The following PIGT variants were observed in gnomAD, a reference collection of about 807,000 sequenced individuals.
PIGT encodes GPI-anchor transamidase component PIGT.
In PIGT, 57 loss-of-function variants were observed where a neutral mutation model predicts 66.7. The observed-to-expected ratio is 0.86, with a 90% CI of 0.69 to 1.07. The LOEUF is 1.07. Among genes scored for constraint, PIGT ranks in the 50% least tolerant of loss-of-function variants. The pLI is 0.00. For missense variants in PIGT, 725 were observed against 740.4 expected (o/e 0.98, Z 0.24); for synonymous variants, 362 against 320.5 (o/e 1.13, Z -1.38).
In PIGT at chr20:45,416,354, G is replaced by A; in HGVS notation, c.187+11G>A. 6 of 1,575,390 alleles carry A rather than the reference G, an allele frequency of 3.8e-6. No homozygotes were observed. The highest frequency in any genetic ancestry group is 5.2e-6 in the Non-Finnish European group (6 of 1,158,126). ...TTCAGCGGGAAGGAGGTGAGGGCGC[G>A]AGATCTGACCAGGGAAAGATTTCCG... On this transcript the variant is annotated intron_variant, in intron 1 of 11. Coordinates refer to ENST00000279036, the MANE Select transcript of PIGT (RefSeq NM_015937.6).
In PIGT at chr20:45,420,680, A is replaced by G; in HGVS notation, c.1020A>G (p.Arg340=). ...RNLNIQLKWK[R]PPENEAPPVP... ...TCAACATCCAGCTCAAGTGGAAGAG[A>G]CCCCCAGAGAATGGTGAGTGGGTGG... The change falls in exon 8 of 12, where the codon AGA becomes AGG. Residue 340 remains arginine (R), a synonymous_variant. Transcript: ENST00000279036. 6.2e-7 allele frequency: 1 copy of G among 1,613,570 alleles called. No individual in the cohort carries two copies. The highest frequency in any genetic ancestry group is 8.5e-7 in the Non-Finnish European group (1 of 1,179,940).
In PIGT at chr20:45,425,594, C is replaced by G; in HGVS notation, c.1505C>G (p.Ser502Cys). The change falls in exon 12 of 12, where the codon TCT becomes TGT. Residue 502 changes from serine (S) to cysteine (C), a missense_variant. Physicochemically the swap from Ser to Cys is moderately radical, Grantham distance 112 (BLOSUM62 -1). This residue lies in a region of PIGT where 162 missense variants were observed against 171.1 expected (regional missense o/e 0.95). Transcript: ENST00000279036. Reference protein sequence around the residue: ...FNSLFPVSDGSNYFVRLYTEP... With the variant: ...FNSLFPVSDGCNYFVRLYTEP... ...CCCAGGTTCCCAGTCTCTGATGGCT[C>G]TAACTACTTTGTGCGGCTCTACACG... 5.6e-6 allele frequency: 9 copies of G among 1,613,884 alleles called. No individual in the cohort carries two copies. Among genetic ancestry groups the G allele is most frequent in the Non-Finnish European group, 7.6e-6 (9 of 1,180,014 alleles).
Position 45,420,241 on chromosome 20 carries a change from C to G in PIGT, c.769+18C>G. On this transcript the variant is annotated intron_variant, in intron 6 of 11. Transcript: ENST00000279036. ...AAAGAAAGGTAAGTTACCTTGGCAACTCATCTGTACCCACCCATGCCAGCC... is the reference window on the plus strand; with the variant it reads ...AAAGAAAGGTAAGTTACCTTGGCAAGTCATCTGTACCCACCCATGCCAGCC... The G allele has an allele frequency of 6.2e-7, 1 of 1,603,858 alleles. No individual in the cohort carries two copies. The highest frequency in any genetic ancestry group is 1.3e-5 in the African/African-American group (1 of 74,882).
intron 11 of PIGT, 110 bp from the exon 12 acceptor site, chr20:45,425,464 A>G (rs1445581152): frequency 2.3e-6 from 3 of 1,331,534 alleles, no homozygotes; most frequent in Non-Finnish European, 3.1e-6. Flanking sequence ...TTTGAGCCTA[A>G]GAGAACATTG....
At chr20:45,418,138 A>T (rs1403948400) in intron 2 of PIGT, 2 of 152,866 alleles carry the variant, frequency 1.3e-5, no homozygotes, top group Non-Finnish European at 2.9e-5. Context: ...AAATCCTAGA[A>T]CAGTTGTTTT....
chr20:45,421,328 TG>T, intron 8 of PIGT, 54 bp from the exon 9 acceptor site: 1 of 1,464,996 alleles, frequency 6.8e-7, no homozygotes. Flanking sequence ...GCAGGTGGGG[TG>T]GGGAGTGATT....
At chr20:45,419,726 C>G (rs1287616730) in intron 5 of PIGT, 136 bp downstream of exon 5, 2 of 692,792 alleles carry the variant, frequency 2.9e-6, no homozygotes, top group Non-Finnish European at 2.6e-6. Flanking sequence ...GGGCATTGGC[C>G]AAGCACCAAG....
chr20:45,417,301 C>G (rs1990045754), intron 2 of PIGT: 1 of 152,108 alleles, frequency 6.6e-6, no homozygotes, highest in Non-Finnish European at 1.5e-5. Context: ...TCTCATTTTC[C>G]TCTTAATCCC....
chr20:45,419,362 C>G lies in PIGT; in HGVS notation c.561C>G (p.Thr187=). 6.2e-7 allele frequency: 1 copy of G among 1,614,002 alleles called. No homozygotes were observed. Among genetic ancestry groups the G allele is most frequent in the Non-Finnish European group, 8.5e-7 (1 of 1,179,892 alleles). The change falls in exon 4 of 12, where the codon ACC becomes ACG. Residue 187 remains threonine, a synonymous_variant. Transcript: ENST00000279036. ...AGGTGGTCTGCACCGAAAACCTCACCCCCTGGAAGAAGCTCTTGCCCTGTA... is the reference window on the plus strand; with the variant it reads ...AGGTGGTCTGCACCGAAAACCTCACGCCCTGGAAGAAGCTCTTGCCCTGTA... The part of the protein sequence containing the change: ...PREVVCTENL[T]PWKKLLPCSS...
chr20:45,421,165 C>T (rs1000197828), intron 8 of PIGT: 2 of 577,602 alleles, frequency 3.5e-6, no homozygotes, highest in South Asian at 2.2e-5. Flanking sequence ...GCACGGTGTT[C>T]GTCACGTAAG....
chr20:45,423,155 C>T (rs1990485723), intron 9 of PIGT: 1 of 149,612 alleles, frequency 6.7e-6, no homozygotes, highest in African/African-American at 2.5e-5. Context: ...ACCTCCACCT[C>T]CCGGGTTCAA....
intron 9 of PIGT, chr20:45,421,787 A>C (rs1309385964): frequency 3.4e-6 from 2 of 591,216 alleles, no homozygotes; most frequent in Non-Finnish European, 6.1e-6. Context: ...AGCAATAATT[A>C]AAACACATAA....
chr20:45,417,719 T>C (rs1301789095), intron 2 of PIGT: 5 of 152,226 alleles, frequency 3.3e-5, no homozygotes, highest in Non-Finnish European at 7.3e-5. Flanking sequence ...TTTTGAGTGC[T>C]GTGCGGGTCA....
rs1206571929 is a variant in PIGT, at chr20:45,419,139, C to T, written c.494-156C>T. 3 of 1,114,892 alleles carry T rather than the reference C, an allele frequency of 2.7e-6. No homozygotes were observed. The Admixed American group carries it at 5.9e-5, about 22-fold the overall frequency. The allele number at this position is 1,114,892 out of a possible 1,614,324, so 69.1% of individuals were successfully genotyped here. A position where few individuals can be genotyped will look rare whatever the true frequency, so the allele number is the denominator to read the frequency against. On this transcript the variant is annotated intron_variant, in intron 3 of 11. Coordinates refer to ENST00000279036, the MANE Select transcript of PIGT (RefSeq NM_015937.6). ...TGTGCCATCTCTGCATGCCTTTTCC[C>T]AAGGAGAGAAGGGAGTCCTACTCCC... is the stretch of plus-strand genomic sequence containing the variant.
Position 45,424,247 on chromosome 20 carries a change from G to T in PIGT, c.1266G>T (p.Arg422=). The T allele has an allele frequency of 6.2e-7, 1 of 1,614,180 alleles. No homozygotes were observed. Among genetic ancestry groups the T allele is most frequent in the Non-Finnish European group, 8.5e-7 (1 of 1,180,014 alleles). Residue 422 remains arginine (R), a synonymous_variant, in exon 10 of 12, where the codon CGG becomes CGT. Coordinates refer to ENST00000279036, the MANE Select transcript of PIGT (RefSeq NM_015937.6). ...TCCACTACCAGCCTGCCCAGGACCG[G>T]CTGCAACCCCACCTCCTGGAGATGC... The part of the protein sequence containing the change: ...SYIHYQPAQD[R]LQPHLLEMLI...
Position 45,416,686 on chromosome 20 carries a change from T to C in PIGT, c.357T>C (p.Thr119=), listed in dbSNP as rs1989999951. 1 of 1,612,536 alleles carries C rather than the reference T, an allele frequency of 6.2e-7. No individual in the cohort carries two copies. Among genetic ancestry groups the C allele is most frequent in the Non-Finnish European group, 8.5e-7 (1 of 1,179,614 alleles). Residue 119 remains threonine (T), a synonymous_variant, in exon 2 of 12, where the codon ACT becomes ACC. Transcript: ENST00000279036. ...AGCTGTGGGTCTGGTTCCAAGACAC[T>C]GTCACTGAGTGAGTGCACACCTTGG... The part of the protein sequence containing the change: ...GAELWVWFQD[T]VTDVDKSWKE...
intron 2 of PIGT, chr20:45,417,337 A>G (rs1389867452): frequency 2.0e-5 from 3 of 152,238 alleles, no homozygotes; most frequent in African/African-American, 7.2e-5. Flanking sequence ...TAGTGCAAGT[A>G]TGATATAACA....
rs749330243 is a variant in PIGT, at chr20:45,421,601, G to A, written c.1234+18G>A. On this transcript the variant is annotated intron_variant, in intron 9 of 11. Coordinates refer to ENST00000279036, the MANE Select transcript of PIGT (RefSeq NM_015937.6). ...CAAACCAAGTGAGGACCTGAGTCCT[G>A]AACCAGGCCCCCAGCCCGCCCTCTC... is the stretch of plus-strand genomic sequence containing the variant. The A allele has an allele frequency of 1.7e-5, 27 of 1,609,272 alleles. No homozygotes were observed. Among genetic ancestry groups the A allele is most frequent in the Non-Finnish European group, 2.3e-5 (27 of 1,175,762 alleles).
intron 2 of PIGT, 194 bp from the exon 3 acceptor site, chr20:45,418,658 A>C: frequency 1.7e-6 from 1 of 584,566 alleles, no homozygotes; most frequent in Non-Finnish European, 3.1e-6. Context: ...AGAGTGAGGA[A>C]GAAGGGGCTG....
Sources: gnomAD v4.1 joint callset for allele counts on GRCh38, gnomAD v4.1.1 for gene constraint, gnomAD v4.1.1 regional missense constraint, MANE v1.5 for transcripts, NCBI Gene and HGNC (gene_info 2026-07-23, HGNC 2026-07-21) for gene names.